L3MBTL4: variants seen among roughly 807,000 people sequenced by gnomAD.
The protein encoded by L3MBTL4 is lethal(3)malignant brain tumor-like protein 4.
A neutral mutation model predicts 84.5 loss-of-function variants in L3MBTL4; 70 were observed. The observed-to-expected ratio is 0.83, with a 90% CI of 0.68 to 1.01. The LOEUF (loss-of-function observed/expected upper bound fraction) is 1.01. L3MBTL4 is among the 50% of genes least tolerant of loss of function. The pLI is 0.00. For missense variants in L3MBTL4, 715 were observed against 754.8 expected (o/e 0.95, Z 0.62); for synonymous variants, 274 against 259.8 (o/e 1.05, Z -0.52).
chr18:6,197,479 T>C (rs1043875975), intron 12 of L3MBTL4, among the ~76,000 whole-genome samples: 1 of 152,254 alleles, frequency 6.6e-6, no homozygotes, highest in African/African-American at 2.4e-5. Flanking sequence ...TTCCATGGTG[T>C]ATATGTACCA....
Position 6,244,411 on chromosome 18 carries a change from A to G in L3MBTL4, c.324+73T>C, listed in dbSNP as rs2047572341. 3 of 958,148 alleles carry G rather than the reference A, an allele frequency of 3.1e-6. No individual in the cohort carries two copies. In the East Asian group the frequency reaches 7.6e-5, roughly 24 times the overall value. 59.4% of individuals were successfully genotyped at this position (958,148 alleles called of 1,614,324 possible). A position where few individuals can be genotyped will look rare whatever the true frequency, so the allele number is the denominator to read the frequency against. ...ACTTCTTCATAATAAATATCAAACA[A>G]ATTTGTTATTTTCTAGAAAATTATC... is the stretch of plus-strand genomic sequence containing the variant. On this transcript the variant is annotated intron_variant, in intron 6 of 18. Transcript: ENST00000317931.
chr18:6,050,507 G>T (rs2056800148), intron 16 of L3MBTL4, among the ~76,000 whole-genome samples: 2 of 152,026 alleles, frequency 1.3e-5, no homozygotes, highest in African/African-American at 4.8e-5. Flanking sequence ...TTTATAAATG[G>T]TTATACCCTC....
At chr18:6,366,550 G>A (rs543656743) in intron 1 of L3MBTL4, among the ~76,000 whole-genome samples, 1 of 152,242 alleles carries the variant, frequency 6.6e-6, no homozygotes, top group East Asian at 1.9e-4. Flanking sequence ...CATAATATAG[G>A]GACTAGAGAT....
At chr18:6,351,042 A>T (rs532753917) in intron 1 of L3MBTL4, among the ~76,000 whole-genome samples, 4 of 152,272 alleles carry the variant, frequency 2.6e-5, no homozygotes, top group Admixed American at 2.6e-4. Flanking sequence ...AAATATTTTT[A>T]AAAATTAGCC....
chr18:6,030,362 A>G, intron 16 of L3MBTL4: 2 of 985,408 alleles, frequency 2.0e-6, no homozygotes, highest in Non-Finnish European at 2.4e-6. Context: ...CAAAAATCCT[A>G]GTCTGGGAGA....
At chr18:6,122,043 T>C (rs2059546974) in intron 14 of L3MBTL4, among the ~76,000 whole-genome samples, 1 of 152,142 alleles carries the variant, frequency 6.6e-6, no homozygotes, top group South Asian at 2.1e-4. Context: ...CTCTACCACT[T>C]ATGAGTTGTG....
chr18:6,384,949 C>A (rs146224023), intron 1 of L3MBTL4, among the ~76,000 whole-genome samples: 1 of 151,904 alleles, frequency 6.6e-6, no homozygotes, highest in Admixed American at 6.6e-5. Context: ...GTTCTGCCAG[C>A]CTTGGAAAGA....
rs1179415651 is a variant in L3MBTL4, at chr18:6,299,642, T to A, written c.127+2261A>T. ...AAACACATGCTTGTTATAAAATCAC[T>A]ACTAAGAATTAAGGTTTATTTTGCA... On this transcript the variant is annotated intron_variant, in intron 4 of 18. Transcript: ENST00000317931. Among the ~76,000 whole-genome samples the A allele has an allele frequency of 7.2e-5, 11 of 152,076 alleles. No homozygotes were observed. In the East Asian group the frequency reaches 1.3e-3, roughly 19 times the overall value.
chr18:6,038,623 G>C (rs944339450), intron 16 of L3MBTL4, among the ~76,000 whole-genome samples: 2 of 152,120 alleles, frequency 1.3e-5, no homozygotes, highest in Non-Finnish European at 2.9e-5. Flanking sequence ...TGATGGGGGA[G>C]AGCGGCACTT....
intron 5 of L3MBTL4, chr18:6,260,229 T>G (rs1310185899): frequency 6.6e-6 from 1 of 152,206 alleles, no homozygotes; most frequent in African/African-American, 2.4e-5. Flanking sequence ...ATACGATGCT[T>G]TGTTATTTTT....
chr18:6,057,269 T>A (rs2057058615), intron 16 of L3MBTL4, among the ~76,000 whole-genome samples: 1 of 152,188 alleles, frequency 6.6e-6, no homozygotes, highest in Admixed American at 6.5e-5. Context: ...CCTAAGGTGA[T>A]CGTGATCTGC....
At chr18:6,086,407 G>T (rs1176652653) in intron 15 of L3MBTL4, among the ~76,000 whole-genome samples, 1 of 152,156 alleles carries the variant, frequency 6.6e-6, no homozygotes, top group Non-Finnish European at 1.5e-5. Context: ...ACGAGAATCA[G>T]CTCGGAAAAA....
chr18:6,257,724 G>A (rs1161185474), intron 5 of L3MBTL4, among the ~76,000 whole-genome samples: 9 of 144,708 alleles, frequency 6.2e-5, no homozygotes, highest in East Asian at 2.0e-4. Context: ...TTGGCTCACC[G>A]CAACCTCCGC....
At chr18:6,238,117 G>T in intron 9 of L3MBTL4, 77 bp from the exon 10 acceptor site, 1 of 1,280,452 alleles carries the variant, frequency 7.8e-7, no homozygotes, top group South Asian at 1.2e-5. Context: ...CAATCATTCT[G>T]GATATCAACA....
chr18:5,961,763 T>C (rs549261977), intron 17 of L3MBTL4, among the ~76,000 whole-genome samples: 1 of 152,214 alleles, frequency 6.6e-6, no homozygotes, highest in South Asian at 2.1e-4. Context: ...CCGAGCTGTT[T>C]GTTGGGCTAA....
intron 1 of L3MBTL4, among the ~76,000 whole-genome samples, chr18:6,320,541 G>A (rs2051350255): frequency 6.6e-6 from 1 of 151,808 alleles, no homozygotes; most frequent in Admixed American, 6.6e-5. Context: ...TGCAACCAAG[G>A]AGATGAATGA....
chr18:6,029,106 T>A (rs1489887334), intron 16 of L3MBTL4, among the ~76,000 whole-genome samples: 1 of 152,200 alleles, frequency 6.6e-6, no homozygotes, highest in Non-Finnish European at 1.5e-5. Context: ...CACCCACTGT[T>A]CTTTAACACT....
intron 12 of L3MBTL4, among the ~76,000 whole-genome samples, chr18:6,175,416 A>T (rs1183130124): frequency 1.3e-5 from 2 of 152,242 alleles, no homozygotes; most frequent in East Asian, 3.8e-4. Context: ...ATAGATTTAT[A>T]CTGTAAGAAA....
chr18:6,007,929 T>G (rs1228657574), intron 16 of L3MBTL4, among the ~76,000 whole-genome samples: 1 of 152,208 alleles, frequency 6.6e-6, no homozygotes, highest in Non-Finnish European at 1.5e-5. Context: ...TCTACTAAGT[T>G]TGCTTGCTTA....
Sources: allele counts gnomAD v4.1 joint callset (sites outside exome capture counted in the v4.1 genomes callset), GRCh38; gene constraint gnomAD v4.1.1; transcripts MANE v1.5; gene names NCBI Gene and HGNC (gene_info 2026-07-23, HGNC 2026-07-21).